PPP1R18: variants seen among roughly 807,000 people sequenced by gnomAD.
PPP1R18 encodes the protein phostensin.
Under a neutral mutation model 54.8 loss-of-function variants are expected in PPP1R18, and 31 were observed. The observed-to-expected ratio is 0.57, with a 90% CI of 0.43 to 0.76. The LOEUF (loss-of-function observed/expected upper bound fraction) is 0.76. Among genes scored for constraint, PPP1R18 ranks in the 30% least tolerant of loss-of-function variants. PPP1R18 has a pLI of 0.00. For missense variants in PPP1R18, 685 were observed against 776.1 expected (o/e 0.88, Z 1.39); for synonymous variants, 310 against 320.2 (o/e 0.97, Z 0.34).
chr6:30,681,782 G>C (rs1001874138), intron 1 of PPP1R18, among the ~76,000 whole-genome samples: 1 of 151,934 alleles, frequency 6.6e-6, no homozygotes, highest in African/African-American at 2.4e-5. Flanking sequence ...GAAAAGAAAA[G>C]AAAAAAGAAA....
Position 30,684,835 on chromosome 6 carries a change from T to C in PPP1R18, c.1184A>G (p.Asn395Ser), listed in dbSNP as rs527729965. ...AQGRPLRALQ[N>S]CCSVPSPLPP... is the part of the protein sequence containing the mutation. ...GAGGGGGGAGGGCACAGAGCAGCAG[T>C]TCTGCAGGGCTCTCAGAGGCCTGCC... Residue 395 changes from asparagine to serine, a missense_variant, in exon 1 of 3, where the codon AAC becomes AGC. Coordinates refer to ENST00000274853, the MANE Select transcript of PPP1R18 (RefSeq NM_133471.4). The surrounding 1 kb of genome is among the most constrained non-coding windows in gnomAD (Gnocchi z 6.0). The C allele has an allele frequency of 3.7e-6, 6 of 1,612,780 alleles. No individual in the cohort carries two copies. The African/African-American group carries it at 8.0e-5, about 21-fold the overall frequency.
At chr6:30,681,996 C>T (rs988434889) in intron 1 of PPP1R18, among the ~76,000 whole-genome samples, 1 of 152,136 alleles carries the variant, frequency 6.6e-6, no homozygotes, top group Non-Finnish European at 1.5e-5. Flanking sequence ...CAGAAGGGAC[C>T]GCTTAGGTTT....
chr6:30,686,371 G>A lies in PPP1R18; in HGVS notation c.-353C>T, dbSNP rs962444283. On this transcript the variant is annotated 5_prime_UTR_variant, in exon 1 of 3. Transcript: ENST00000274853. ...GTCTCTAGGATGTGAGAAAGAGAGA[G>A]AAGGGCGAAAAGGAAAGTTGGCGTG... 1 of 304,816 alleles carries A rather than the reference G, an allele frequency of 3.3e-6. No homozygotes were observed. The highest frequency in any genetic ancestry group is 2.2e-5 in the African/African-American group (1 of 46,508). 18.9% of individuals were successfully genotyped at this position (304,816 alleles called of 1,614,324 possible).
chr6:30,676,768 G>T lies in PPP1R18; in HGVS notation c.*501C>A. 1 of 237,302 alleles carries T rather than the reference G, an allele frequency of 4.2e-6. No individual in the cohort carries two copies. The highest frequency in any genetic ancestry group is 8.3e-6 in the Non-Finnish European group (1 of 119,896). The allele number at this position is 237,302 out of a possible 1,614,324, so 14.7% of individuals were successfully genotyped here. A position where few individuals can be genotyped will look rare whatever the true frequency, so the allele number is the denominator to read the frequency against. On this transcript the variant is annotated 3_prime_UTR_variant, in exon 3 of 3. Transcript: ENST00000274853. Reference sequence around the variant, plus strand: ...TGGCAGGTGGGGCTGGGAGCTGATGGAATTTGTAAACCAGGCTGTGGTCAA... The same window carrying T: ...TGGCAGGTGGGGCTGGGAGCTGATGTAATTTGTAAACCAGGCTGTGGTCAA...
chr6:30,679,416 G>A, intron 1 of PPP1R18, 27 bp from the exon 2 acceptor site: 1 of 1,515,142 alleles, frequency 6.6e-7, no homozygotes, highest in Non-Finnish European at 8.9e-7. Flanking sequence ...AAGGGGGCAG[G>A]AGGCAAGGTC....
rs965989056 is a variant in PPP1R18, at chr6:30,685,956, G to T, written c.63C>A (p.Ser21=). Residue 21 remains serine (S), a synonymous_variant, in exon 1 of 3, where the codon TCC becomes TCA. Coordinates refer to ENST00000274853, the MANE Select transcript of PPP1R18 (RefSeq NM_133471.4). The surrounding 1 kb of genome is among the most constrained non-coding windows in gnomAD (Gnocchi z 5.0). ...GTTCTGCTTTCTCTCGGCCTCGAACGGACGCCTCCTCCTGCCGGCGCCGGG... is the reference window on the plus strand; with the variant it reads ...GTTCTGCTTTCTCTCGGCCTCGAACTGACGCCTCCTCCTGCCGGCGCCGGG... ...LLARRRQEEA[S]VRGREKAERE... is the part of the protein sequence containing the mutation. 3 of 1,603,048 alleles carry T rather than the reference G, an allele frequency of 1.9e-6. No individual in the cohort carries two copies. The highest frequency in any genetic ancestry group is 1.1e-5 in the South Asian group (1 of 90,838).
rs1770190910 is a variant in PPP1R18 at position 30,676,524 on chromosome 6, A to C, written c.*745T>G. The C allele has an allele frequency of 6.6e-6, 1 of 152,516 alleles. No homozygotes were observed. Among genetic ancestry groups the C allele is most frequent in the Non-Finnish European group, 1.5e-5 (1 of 68,208 alleles). The allele number at this position is 152,516 out of a possible 1,614,324, so 9.4% of individuals were successfully genotyped here. On this transcript the variant is annotated 3_prime_UTR_variant, in exon 3 of 3. Transcript: ENST00000274853. ...CCCGACACCATCTCAATTCAGTTCA[A>C]TTGTGAACCACTAGGAGAAACAGAA...
chr6:30,684,714 G>T lies in PPP1R18; in HGVS notation c.1305C>A (p.Pro435=). The change falls in exon 1 of 3, where the codon CCC becomes CCA. Residue 435 remains proline (P), a synonymous_variant. Transcript: ENST00000274853. This position sits in a 1 kb window ranked among gnomAD's most constrained non-coding sequence, Gnocchi z 6.0. The part of the protein sequence containing the change: ...PPPPAPLSPP[P]PAPTAPQPPG... ...GAGGTTGGGGGGCAGTTGGGGCTGG[G>T]GGTGGGGGAGACAGAGGGGCTGGTG... The T allele has an allele frequency of 6.7e-7, 1 of 1,488,100 alleles. No individual in the cohort carries two copies. Among genetic ancestry groups the T allele is most frequent in the South Asian group, 1.3e-5 (1 of 74,860 alleles). The allele number at this position is 1,488,100 out of a possible 1,614,324, so 92.2% of individuals were successfully genotyped here. A position where few individuals can be genotyped will look rare whatever the true frequency, so the allele number is the denominator to read the frequency against.
rs959351147 is a variant in PPP1R18, at chr6:30,683,360, CA to C, written c.1611+1047del. Among the ~76,000 whole-genome samples, 1 of 152,192 alleles carries C rather than the reference CA, an allele frequency of 6.6e-6. No individual in the cohort carries two copies. Among genetic ancestry groups the C allele is most frequent in the Non-Finnish European group, 1.5e-5 (1 of 68,026 alleles). On this transcript the variant is annotated intron_variant, in intron 1 of 2. Transcript: ENST00000274853. The surrounding 1 kb of genome is among the most constrained non-coding windows in gnomAD (Gnocchi z 5.1). ...CACAGGGAAGAAGTGAGGCCAGGGC[CA>C]GGGGGAGTCATCCTGGCTGCCCCCA...
Position 30,683,988 on chromosome 6 carries a change from C to G in PPP1R18, c.1611+420G>C, listed in dbSNP as rs1386608891. On this transcript the variant is annotated intron_variant, in intron 1 of 2. Transcript: ENST00000274853. The surrounding 1 kb of genome is among the most constrained non-coding windows in gnomAD (Gnocchi z 5.1). ...CACCACCCCAGGCTCCCTATCCCTTCTCCCCAGAAAAACTGCAAGTGCTCT... is the reference window on the plus strand; with the variant it reads ...CACCACCCCAGGCTCCCTATCCCTTGTCCCCAGAAAAACTGCAAGTGCTCT... Among the ~76,000 whole-genome samples, 1 of 148,392 alleles carries G rather than the reference C, an allele frequency of 6.7e-6. No individual in the cohort carries two copies. Among genetic ancestry groups the G allele is most frequent in the Non-Finnish European group, 1.5e-5 (1 of 67,024 alleles).
At position 30,686,148 on chromosome 6, in the gene PPP1R18, C is replaced by A; in HGVS notation, c.-130G>T. 2.2e-6 allele frequency: 2 copies of A among 905,738 alleles called. No homozygotes were observed. Among genetic ancestry groups the A allele is most frequent in the Admixed American group, 4.9e-5 (2 of 40,896 alleles). The allele number at this position is 905,738 out of a possible 1,614,324, so 56.1% of individuals were successfully genotyped here. ...GAAGTGGAGGGGGAGAGGTGGGACA[C>A]AAAGCAGGGCAGAGGGGCTAAGGAT... On this transcript the variant is annotated 5_prime_UTR_variant, in exon 1 of 3. Transcript: ENST00000274853.
At chr6:30,687,166 G>A (rs541264465), upstream of PPP1R18, 13 of 153,896 alleles carry the variant, frequency 8.4e-5, no homozygotes, top group African/African-American at 3.1e-4. The surrounding 1 kb of genome is among the most constrained non-coding windows in gnomAD (Gnocchi z 7.9). Context: ...CGTCCAGAGA[G>A]AGGAAGAGGA....
At position 30,676,948 on chromosome 6, in the gene PPP1R18, T is replaced by C; in HGVS notation, c.*321A>G. 2.0e-6 allele frequency: 1 copy of C among 507,990 alleles called. No individual in the cohort carries two copies. The allele number at this position is 507,990 out of a possible 1,614,324, so 31.5% of individuals were successfully genotyped here. On this transcript the variant is annotated 3_prime_UTR_variant, in exon 3 of 3. Coordinates refer to ENST00000274853, the MANE Select transcript of PPP1R18 (RefSeq NM_133471.4). ...GTGGGGAGGAAGGCTGTGGGGAGAG[T>C]GTACCCTGCCATGGGGGGCAGGTGC...
At chr6:30,687,977 C>T (rs1771123595), upstream of PPP1R18, 1 of 152,338 alleles carries the variant, frequency 6.6e-6, no homozygotes, top group Non-Finnish European at 1.5e-5. The surrounding 1 kb of genome is among the most constrained non-coding windows in gnomAD (Gnocchi z 7.9). Flanking sequence ...TCGGTGCTCC[C>T]AGGCTCCCTC....
chr6:30,684,708 G>T lies in PPP1R18; in HGVS notation c.1311C>A (p.Ala437=). 6.8e-7 allele frequency: 1 copy of T among 1,478,938 alleles called. No homozygotes were observed. The highest frequency in any genetic ancestry group is 9.0e-7 in the Non-Finnish European group (1 of 1,107,238). The allele number at this position is 1,478,938 out of a possible 1,614,324, so 91.6% of individuals were successfully genotyped here. Residue 437 remains alanine, a synonymous_variant, in exon 1 of 3, where the codon GCC becomes GCA. Transcript: ENST00000274853. This position sits in a 1 kb window ranked among gnomAD's most constrained non-coding sequence, Gnocchi z 6.0. ...PPAPLSPPPP[A]PTAPQPPGDP... Reference sequence around the variant, plus strand: ...CCCCAGGAGGTTGGGGGGCAGTTGGGGCTGGGGGTGGGGGAGACAGAGGGG... The same window carrying T: ...CCCCAGGAGGTTGGGGGGCAGTTGGTGCTGGGGGTGGGGGAGACAGAGGGG...
At position 30,686,095 on chromosome 6, in the gene PPP1R18, G is replaced by T; in HGVS notation, c.-77C>A. On this transcript the variant is annotated 5_prime_UTR_variant, in exon 1 of 3. Coordinates refer to ENST00000274853, the MANE Select transcript of PPP1R18 (RefSeq NM_133471.4). Reference sequence around the variant, plus strand: ...GAGGCTCCAGAGAGTGAGACAGCCCGGGGGTGAGACTGAGGGTGGGAGGAG... The same window carrying T: ...GAGGCTCCAGAGAGTGAGACAGCCCTGGGGTGAGACTGAGGGTGGGAGGAG... 7.0e-7 allele frequency: 1 copy of T among 1,438,430 alleles called. No homozygotes were observed. Among genetic ancestry groups the T allele is most frequent in the Non-Finnish European group, 9.3e-7 (1 of 1,077,374 alleles). 89.1% of individuals were successfully genotyped at this position (1,438,430 alleles called of 1,614,324 possible).
chr6:30,679,383 T>A lies in PPP1R18; in HGVS notation c.1618A>T (p.Ile540Phe). The change falls in exon 2 of 3, where the codon ATC becomes TTC. Residue 540 changes from isoleucine to phenylalanine, a missense_variant. Ile to Phe is a conservative substitution (Grantham distance 21). Coordinates refer to ENST00000274853, the MANE Select transcript of PPP1R18 (RefSeq NM_133471.4). ...SPERHHKQLK[I>F]SFSETALETT... Reference sequence around the variant, plus strand: ...TCCAGGGCTGTCTCGCTGAAGGAGATCTTAAGCTGAAGGAGGGAGAAAAAG... The same window carrying A: ...TCCAGGGCTGTCTCGCTGAAGGAGAACTTAAGCTGAAGGAGGGAGAAAAAG... 6.3e-7 allele frequency: 1 copy of A among 1,588,092 alleles called. No homozygotes were observed. The highest frequency in any genetic ancestry group is 8.6e-7 in the Non-Finnish European group (1 of 1,169,196).
At chr6:30,680,178 C>A (rs1218711075) in intron 1 of PPP1R18, among the ~76,000 whole-genome samples, 1 of 152,130 alleles carries the variant, frequency 6.6e-6, no homozygotes, top group Non-Finnish European at 1.5e-5. Flanking sequence ...AAGGGACAGG[C>A]ACAGAGACAA....
chr6:30,682,155 C>G (rs371569541), intron 1 of PPP1R18, among the ~76,000 whole-genome samples: 17 of 152,212 alleles, frequency 1.1e-4, no homozygotes, highest in Admixed American at 3.3e-4. Context: ...TATCTCCCCC[C>G]CTACCCTGCC....
Sources: allele counts gnomAD v4.1 joint callset (sites outside exome capture counted in the v4.1 genomes callset), GRCh38; gene constraint gnomAD v4.1.1; non-coding constraint Gnocchi (gnomAD v3.1); transcripts MANE v1.5; gene names NCBI Gene and HGNC (gene_info 2026-07-23, HGNC 2026-07-21).